NSMCE2: variants seen among roughly 807,000 people sequenced by gnomAD.
NSMCE2 encodes E3 SUMO-protein ligase NSE2.
A neutral mutation model predicts 23.8 loss-of-function variants in NSMCE2; 24 were observed. The observed-to-expected ratio is 1.01, with a 90% CI of 0.73 to 1.42. The LOEUF (loss-of-function observed/expected upper bound fraction) is 1.42, where lower values mean the gene tolerates loss of function less well. Ranked by LOEUF, NSMCE2 falls within the 40% of genes most tolerant of loss-of-function variation. The pLI is 0.00. For missense variants in NSMCE2, 284 were observed against 296.5 expected, an observed-to-expected ratio of 0.96 and a Z score of 0.31; for synonymous variants, 92 against 94.1, an observed-to-expected ratio of 0.98 and a Z score of 0.13.
intron 5 of NSMCE2, among the ~76,000 whole-genome samples, chr8:125,346,157 C>CAA (rs879726022): frequency 7.6e-6 from 1 of 130,792 alleles, no homozygotes; most frequent in Non-Finnish European, 1.6e-5. Context: ...AACTCCGTCT[C>CAA]AAAAAAAAAA....
intron 5 of NSMCE2, among the ~76,000 whole-genome samples, chr8:125,342,041 C>T (rs1830273111): frequency 6.6e-6 from 1 of 151,868 alleles, no homozygotes; most frequent in African/African-American, 2.4e-5. Context: ...TAAGGGGAGA[C>T]TCCTGGGGAC....
chr8:125,096,213 C>T (rs1817921502), intron 1 of NSMCE2, among the ~76,000 whole-genome samples: 1 of 152,194 alleles, frequency 6.6e-6, no homozygotes, highest in Non-Finnish European at 1.5e-5. Flanking sequence ...AAATGGCTCA[C>T]ATTTCATTGC....
chr8:125,350,135 G>A (rs930751726), intron 5 of NSMCE2, among the ~76,000 whole-genome samples: 1 of 152,174 alleles, frequency 6.6e-6, no homozygotes, highest in Non-Finnish European at 1.5e-5. Flanking sequence ...AATGAAGGCC[G>A]TGCTTTCCTG....
intron 5 of NSMCE2, among the ~76,000 whole-genome samples, chr8:125,248,382 A>C (rs943790417): frequency 2.6e-5 from 4 of 152,240 alleles, no homozygotes; most frequent in African/African-American, 9.6e-5. Flanking sequence ...TTTGCATATA[A>C]AGAACTGAAA....
intron 5 of NSMCE2, among the ~76,000 whole-genome samples, chr8:125,203,594 A>G (rs1051066449): frequency 2.6e-5 from 4 of 152,206 alleles, no homozygotes; most frequent in African/African-American, 7.2e-5. Flanking sequence ...GAGATTTCCC[A>G]TATACCCCAC....
At chr8:125,288,575 G>T (rs756888670) in intron 5 of NSMCE2, among the ~76,000 whole-genome samples, 14 of 152,014 alleles carry the variant, frequency 9.2e-5, no homozygotes, top group Non-Finnish European at 1.8e-4. Flanking sequence ...GCAAATCTCT[G>T]TACTTAACAC....
intron 3 of NSMCE2, among the ~76,000 whole-genome samples, chr8:125,148,513 T>C (rs1820809956): frequency 6.6e-6 from 1 of 152,214 alleles, no homozygotes; most frequent in Non-Finnish European, 1.5e-5. Context: ...TTAAGCCCCT[T>C]ACAGACTTTC....
chr8:125,306,827 A>T (rs1368624445), intron 5 of NSMCE2, among the ~76,000 whole-genome samples: 2 of 152,206 alleles, frequency 1.3e-5, no homozygotes, highest in Non-Finnish European at 2.9e-5. Context: ...CCTTGGGCAA[A>T]ATACTTAACC....
intron 3 of NSMCE2, among the ~76,000 whole-genome samples, chr8:125,142,123 C>T (rs554107882): frequency 6.6e-6 from 1 of 152,164 alleles, no homozygotes; most frequent in African/African-American, 2.4e-5. Flanking sequence ...ATTACACTTG[C>T]AGAATAGTTA....
chr8:125,227,382 T>G (rs1029473844), intron 5 of NSMCE2, among the ~76,000 whole-genome samples: 2 of 152,226 alleles, frequency 1.3e-5, no homozygotes, highest in Non-Finnish European at 2.9e-5. Flanking sequence ...GTAGCGTGAC[T>G]GCAGCTCAGA....
At chr8:125,334,772 CTTTTTTTTTTTTTTTT>C (rs34213706) in intron 5 of NSMCE2, among the ~76,000 whole-genome samples, 12 of 55,870 alleles carry the variant, frequency 2.1e-4, no homozygotes, top group Admixed American at 6.3e-4. Flanking sequence ...AGTATCTTTT[CTTTTTTTTTTTTTTTT>C]TTTTTTTTTT....
chr8:125,182,265 A>G lies in NSMCE2; in HGVS notation c.418+9A>G, dbSNP rs778984736. On this transcript the variant is annotated intron_variant, in intron 5 of 7. Transcript: ENST00000287437. Reference sequence around the variant, plus strand: ...AGAACTAAAGAAGCAATGTAAGTCAACATGCTTTGCTTTGGTTCGGCTTTT... The same window carrying G: ...AGAACTAAAGAAGCAATGTAAGTCAGCATGCTTTGCTTTGGTTCGGCTTTT... 4 of 1,594,974 alleles carry G rather than the reference A, an allele frequency of 2.5e-6. No homozygotes were observed. The highest frequency in any genetic ancestry group is 2.2e-5 in the East Asian group (1 of 44,494).
intron 5 of NSMCE2, among the ~76,000 whole-genome samples, chr8:125,253,653 G>T (rs1826287583): frequency 6.6e-6 from 1 of 152,146 alleles, no homozygotes; most frequent in Non-Finnish European, 1.5e-5. Context: ...GGTTTGTATT[G>T]TAAAGGCAGC....
At chr8:125,357,147 C>T (rs1031905930) in intron 5 of NSMCE2, 72 bp from the exon 6 acceptor site, 150 of 993,396 alleles carry the variant, frequency 1.5e-4, no homozygotes, top group East Asian at 2.4e-5. Context: ...CTCTTCACCT[C>T]CCTTCCTTCC....
intron 5 of NSMCE2, among the ~76,000 whole-genome samples, chr8:125,316,172 A>T (rs566340146): frequency 6.0e-4 from 92 of 152,308 alleles, no homozygotes; most frequent in African/African-American, 2.2e-3. Context: ...AGTGAATAGC[A>T]TGTCTTCTTT....
chr8:125,147,146 C>T (rs893577792), intron 3 of NSMCE2, among the ~76,000 whole-genome samples: 1 of 152,144 alleles, frequency 6.6e-6, no homozygotes, highest in Non-Finnish European at 1.5e-5. Flanking sequence ...ATTTGAACAT[C>T]GTTGTGTGAT....
At chr8:125,337,556 T>C (rs777294333) in intron 5 of NSMCE2, among the ~76,000 whole-genome samples, 47 of 152,222 alleles carry the variant, frequency 3.1e-4, no homozygotes, top group Admixed American at 2.2e-3. Flanking sequence ...TAAGGTAGAA[T>C]GTTATGCAAG....
At chr8:125,118,227 TC>T (rs1819114313) in intron 3 of NSMCE2, among the ~76,000 whole-genome samples, 1 of 152,080 alleles carries the variant, frequency 6.6e-6, no homozygotes, top group East Asian at 1.9e-4. Context: ...ACGCCTCTAG[TC>T]CCAGCTACTC....
intron 5 of NSMCE2, among the ~76,000 whole-genome samples, chr8:125,355,827 A>C (rs1294345901): frequency 1.3e-5 from 2 of 151,620 alleles, no homozygotes; most frequent in Non-Finnish European, 2.9e-5. Flanking sequence ...GTTGTCTATC[A>C]TCTGTTTTTG....
Sources: gnomAD v4.1 joint callset for allele counts (sites outside exome capture counted in the v4.1 genomes callset) on GRCh38, gnomAD v4.1.1 for gene constraint, MANE v1.5 for transcripts, NCBI Gene and HGNC (gene_info 2026-07-23, HGNC 2026-07-21) for gene names.